The following XKR9 variants were observed in gnomAD, a reference collection of about 807,000 sequenced individuals.
XKR9 encodes XK related 9, also known as XK-related protein 9.
A neutral mutation model predicts 32.0 loss-of-function variants in XKR9; 32 were observed. That is an observed-to-expected ratio of 1.00 (90% CI 0.76 to 1.34). The LOEUF is 1.34. Among genes scored for constraint, XKR9 ranks in the 40% most tolerant of loss-of-function variants. The probability of loss-of-function intolerance (pLI) is 0.00; values close to 1 mark genes in which losing one functional copy is unlikely to be tolerated. For synonymous variants in XKR9, 168 were observed against 143.4 expected (o/e 1.17, Z -1.22); for missense variants, 546 against 429.7 (o/e 1.27, Z -2.39).
the XKR9 span, among the ~76,000 whole-genome samples, chr8:70,927,009 C>T: frequency 3.3e-5 from 5 of 151,630 alleles, no homozygotes; most frequent in African/African-American, 1.2e-4. Context: ...AAAATAAAAT[C>T]CATTTTATGT....
At chr8:70,813,563 A>G in the XKR9 span, among the ~76,000 whole-genome samples, 1 of 152,226 alleles carries the variant, frequency 6.6e-6, no homozygotes, top group Non-Finnish European at 1.5e-5. Context: ...GCTAATATCC[A>G]GAATCTACAA....
At chr8:70,825,362 G>T in the XKR9 span, among the ~76,000 whole-genome samples, 1 of 151,936 alleles carries the variant, frequency 6.6e-6, no homozygotes, top group Admixed American at 6.6e-5. Context: ...GAGTCCCATT[G>T]CTTATTTCCT....
chr8:70,905,747 A>G, the XKR9 span, among the ~76,000 whole-genome samples: 3 of 152,132 alleles, frequency 2.0e-5, no homozygotes, highest in African/African-American at 7.2e-5. Flanking sequence ...GTTTCTCCCC[A>G]TCTTTGTGGT....
At chr8:70,875,348 T>C in the XKR9 span, among the ~76,000 whole-genome samples, 1 of 152,180 alleles carries the variant, frequency 6.6e-6, no homozygotes, top group South Asian at 2.1e-4. Context: ...CTTGCCTTGG[T>C]GTGAAGGCAT....
the XKR9 span, among the ~76,000 whole-genome samples, chr8:71,059,706 G>A: frequency 8.5e-5 from 13 of 152,126 alleles, no homozygotes; most frequent in African/African-American, 3.1e-4. Context: ...AGTAACCCAG[G>A]TAACTGGGAT....
the XKR9 span, among the ~76,000 whole-genome samples, chr8:70,895,185 T>C: frequency 6.6e-6 from 1 of 152,066 alleles, no homozygotes; most frequent in Non-Finnish European, 1.5e-5. Flanking sequence ...GAGAGAGGTT[T>C]CTCCTAGTTT....
chr8:70,982,353 G>A, the XKR9 span, among the ~76,000 whole-genome samples: 2 of 152,198 alleles, frequency 1.3e-5, no homozygotes, highest in African/African-American at 4.8e-5. Context: ...CTTGGGCAAA[G>A]CTTGATGTGG....
chr8:70,876,502 G>T, the XKR9 span, among the ~76,000 whole-genome samples: 4 of 151,956 alleles, frequency 2.6e-5, no homozygotes, highest in Non-Finnish European at 4.4e-5. Flanking sequence ...TTGACTTTTG[G>T]TTTAATCTGT....
At chr8:70,694,341 T>G (rs1469339638) in intron 3 of XKR9, among the ~76,000 whole-genome samples, 1 of 152,162 alleles carries the variant, frequency 6.6e-6, no homozygotes, top group Non-Finnish European at 1.5e-5. Flanking sequence ...GCCCAAAGAC[T>G]GGAATGGCTA....
chr8:70,930,504 A>T, the XKR9 span, among the ~76,000 whole-genome samples: 1 of 152,322 alleles, frequency 6.6e-6, no homozygotes, highest in South Asian at 2.1e-4. Context: ...AAATTTGTTT[A>T]AAAAAGAGAG....
chr8:70,683,611 C>G (rs770679918), intron 3 of XKR9: 1 of 436,262 alleles, frequency 2.3e-6, no homozygotes, highest in Non-Finnish European at 4.6e-6. Context: ...CATCAGCTTC[C>G]TGAGTAGCTG....
intron 2 of XKR9, among the ~76,000 whole-genome samples, chr8:70,751,858 G>T (rs1355706472): frequency 6.6e-6 from 1 of 152,164 alleles, no homozygotes; most frequent in Non-Finnish European, 1.5e-5. Flanking sequence ...CATGCCACCA[G>T]CTTCCTTGGT....
chr8:70,815,441 G>T, the XKR9 span, among the ~76,000 whole-genome samples: 4 of 152,020 alleles, frequency 2.6e-5, no homozygotes, highest in African/African-American at 9.7e-5. Flanking sequence ...TTCTGTTCCT[G>T]CATTAGTTTG....
At chr8:70,767,720 C>G (rs1389727142) in intron 2 of XKR9, among the ~76,000 whole-genome samples, 7 of 151,982 alleles carry the variant, frequency 4.6e-5, no homozygotes, top group Admixed American at 4.6e-4. Context: ...CCAGGATGGT[C>G]TTGATCTCCT....
At chr8:70,804,949 C>T in the XKR9 span, among the ~76,000 whole-genome samples, 36 of 152,282 alleles carry the variant, frequency 2.4e-4, no homozygotes, top group African/African-American at 8.4e-4. Flanking sequence ...ATTGCTTCAC[C>T]TTCTACACAA....
At chr8:70,692,459 A>G (rs774188088) in intron 3 of XKR9, among the ~76,000 whole-genome samples, 2 of 151,844 alleles carry the variant, frequency 1.3e-5, no homozygotes, top group Non-Finnish European at 2.9e-5. Context: ...TACTATGTTG[A>G]ATAGAAGTGG....
chr8:70,822,494 C>T, the XKR9 span, among the ~76,000 whole-genome samples: 6 of 151,414 alleles, frequency 4.0e-5, no homozygotes, highest in African/African-American at 1.5e-4. Flanking sequence ...AAAAGTATTA[C>T]TCTACTTATA....
chr8:70,940,437 T>G, the XKR9 span, among the ~76,000 whole-genome samples: 1 of 152,130 alleles, frequency 6.6e-6, no homozygotes, highest in African/African-American at 2.4e-5. Context: ...ACTTGCAAGC[T>G]GTGCAATATT....
At chr8:70,806,384 C>G in the XKR9 span, among the ~76,000 whole-genome samples, 1 of 152,130 alleles carries the variant, frequency 6.6e-6, no homozygotes, top group Non-Finnish European at 1.5e-5. Flanking sequence ...CAACATTTCT[C>G]CAGCAAAAGT....
Sources: gnomAD v4.1 joint callset for allele counts (sites outside exome capture counted in the v4.1 genomes callset) on GRCh38, gnomAD v4.1.1 for gene constraint, MANE v1.5 for transcripts, NCBI Gene and HGNC (gene_info 2026-07-23, HGNC 2026-07-21) for gene names.